Variants in C1QTNF7 observed in about 807,000 individuals in gnomAD.
C1QTNF7 encodes the protein complement C1q tumor necrosis factor-related protein 7.
Under a neutral mutation model 19.6 loss-of-function variants are expected in C1QTNF7, and 15 were observed. That is an observed-to-expected ratio of 0.76 (90% CI 0.51 to 1.18). The LOEUF (loss-of-function observed/expected upper bound fraction) is 1.18. Among genes scored for constraint, C1QTNF7 ranks in the 50% most tolerant of loss-of-function variants. C1QTNF7 has a pLI of 0.00. For synonymous variants in C1QTNF7, 142 were observed against 137.5 expected (o/e 1.03, Z -0.23); for missense variants, 324 against 359.7 (o/e 0.90, Z 0.80).
intron 1 of C1QTNF7, chr4:15,340,218 A>G: frequency 6.4e-7 from 1 of 1,551,564 alleles, no homozygotes; most frequent in Non-Finnish European, 8.7e-7. Context: ...GTAAGCTACC[A>G]TTTTCACTGC....
chr4:15,388,004 G>A lies in C1QTNF7; in HGVS notation c.14-47732G>A, dbSNP rs142954278. On this transcript the variant is annotated intron_variant, in intron 1 of 2. Transcript: ENST00000295297. ...CACAGGTGCAAGGTTGACCTTGGAC[G>A]GAGGCACTAACCATTCATTCTTACT... Among the ~76,000 whole-genome samples, 114 of 152,260 alleles carry A rather than the reference G, an allele frequency of 7.5e-4. 2 individuals are homozygous for A. The East Asian group carries it at 0.017, about 23-fold the overall frequency.
intron 1 of C1QTNF7, among the ~76,000 whole-genome samples, chr4:15,360,891 A>C (rs1717321951): frequency 6.6e-6 from 1 of 152,192 alleles, no homozygotes. Context: ...ATCTGTACTT[A>C]AACTCACCTT....
intron 1 of C1QTNF7, among the ~76,000 whole-genome samples, chr4:15,406,145 G>C (rs1024949312): frequency 2.6e-5 from 4 of 152,146 alleles, no homozygotes; most frequent in African/African-American, 9.7e-5. Context: ...TTGCTTGCTG[G>C]CTTGATGTCT....
At chr4:15,438,085 G>T (rs1433963104) in intron 2 of C1QTNF7, among the ~76,000 whole-genome samples, 1 of 152,096 alleles carries the variant, frequency 6.6e-6, no homozygotes, top group African/African-American at 2.4e-5. Flanking sequence ...TATTTGTCAG[G>T]ACCTTTACAT....
chr4:15,377,954 A>C (rs532884118), intron 1 of C1QTNF7, among the ~76,000 whole-genome samples: 1 of 152,222 alleles, frequency 6.6e-6, no homozygotes, highest in Non-Finnish European at 1.5e-5. Context: ...ATATGTCCTA[A>C]ACATTATTTT....
chr4:15,401,693 C>T (rs903462804), intron 1 of C1QTNF7, among the ~76,000 whole-genome samples: 1 of 151,644 alleles, frequency 6.6e-6, no homozygotes, highest in Non-Finnish European at 1.5e-5. Context: ...AGTTTAAAAA[C>T]GAAATAGAAA....
intron 1 of C1QTNF7, among the ~76,000 whole-genome samples, chr4:15,378,641 A>AT (rs1311318509): frequency 3.9e-5 from 6 of 152,140 alleles, no homozygotes; most frequent in Non-Finnish European, 8.8e-5. Flanking sequence ...CACATGGCAG[A>AT]TTTTTAGGAA....
intron 1 of C1QTNF7, among the ~76,000 whole-genome samples, chr4:15,387,020 C>T (rs1718362158): frequency 2.0e-5 from 3 of 152,250 alleles, no homozygotes; most frequent in South Asian, 4.2e-4. Flanking sequence ...TTCAATCATT[C>T]AGGCAGAAGA....
At chr4:15,403,410 C>A (rs946820777) in intron 1 of C1QTNF7, among the ~76,000 whole-genome samples, 1 of 152,118 alleles carries the variant, frequency 6.6e-6, no homozygotes, top group African/African-American at 2.4e-5. Flanking sequence ...AAAATCAAGG[C>A]TTTGACAGGG....
chr4:15,371,835 T>A (rs925130379), intron 1 of C1QTNF7, among the ~76,000 whole-genome samples: 3 of 152,106 alleles, frequency 2.0e-5, no homozygotes, highest in Non-Finnish European at 4.4e-5. Flanking sequence ...CAATCTAAGC[T>A]CAGTGGGCAC....
chr4:15,436,088 T>TCC (rs1712526102), intron 2 of C1QTNF7, 107 bp downstream of exon 2: 2 of 1,444,058 alleles, frequency 1.4e-6, no homozygotes, highest in Admixed American at 4.8e-5. Flanking sequence ...AAACCCCTTC[T>TCC]GTACTTTCAT....
intron 1 of C1QTNF7, among the ~76,000 whole-genome samples, chr4:15,383,976 A>G (rs959604639): frequency 1.3e-5 from 2 of 152,242 alleles, no homozygotes; most frequent in African/African-American, 4.8e-5. Flanking sequence ...TAGTTAGACC[A>G]GGTAATCTTG....
At position 15,347,278 on chromosome 4, in the gene C1QTNF7, C is replaced by A. The variant is rs967784721; in HGVS notation, c.13+7071C>A. Among the ~76,000 whole-genome samples, 8 of 152,190 alleles carry A rather than the reference C, an allele frequency of 5.3e-5. No individual in the cohort carries two copies. In the East Asian group the frequency reaches 1.5e-3, roughly 29 times the overall value. ...AGCAAAACACTCATACTTCATAAGG[C>A]CGCTCCTTCCATTAATATACCACTG... is the stretch of plus-strand genomic sequence containing the variant. On this transcript the variant is annotated intron_variant, in intron 1 of 2. Transcript: ENST00000295297.
At chr4:15,429,171 A>C (rs1020026330) in intron 1 of C1QTNF7, among the ~76,000 whole-genome samples, 2 of 152,206 alleles carry the variant, frequency 1.3e-5, no homozygotes, top group Non-Finnish European at 2.9e-5. Context: ...AAATAAGAAT[A>C]CTGGGCTCTC....
chr4:15,412,786 T>C (rs1560361386), intron 1 of C1QTNF7, among the ~76,000 whole-genome samples: 1 of 152,206 alleles, frequency 6.6e-6, no homozygotes, highest in Non-Finnish European at 1.5e-5. Flanking sequence ...GCGTAACTAC[T>C]TTTCTGGAGA....
In C1QTNF7 at chr4:15,443,115, C is replaced by A; in HGVS notation, c.*316C>A. On this transcript the variant is annotated 3_prime_UTR_variant, in exon 3 of 3. Transcript: ENST00000444304. The stretch of plus-strand genomic sequence containing the variant: ...TAAAACCAGTTGGCAATAATATTGC[C>A]TTATTAAATCTTCAAAAAATATATT... 5.5e-6 allele frequency: 1 copy of A among 182,958 alleles called. No homozygotes were observed. Among genetic ancestry groups the A allele is most frequent in the Non-Finnish European group, 1.1e-5 (1 of 88,584 alleles). The allele number at this position is 182,958 out of a possible 1,614,324, so 11.3% of individuals were successfully genotyped here. A position where few individuals can be genotyped will look rare whatever the true frequency, so the allele number is the denominator to read the frequency against.
intron 1 of C1QTNF7, among the ~76,000 whole-genome samples, chr4:15,433,325 T>C (rs375778601): frequency 6.6e-6 from 1 of 152,044 alleles, no homozygotes; most frequent in South Asian, 2.1e-4. Flanking sequence ...GCCTTTTTTT[T>C]CTGGGGAGGG....
At chr4:15,356,215 A>T (rs976533722) in intron 1 of C1QTNF7, among the ~76,000 whole-genome samples, 1 of 152,062 alleles carries the variant, frequency 6.6e-6, no homozygotes, top group South Asian at 2.1e-4. Flanking sequence ...CCCGTCATCT[A>T]CATTAGGTAT....
At chr4:15,419,306 A>G (rs1319201889) in intron 1 of C1QTNF7, among the ~76,000 whole-genome samples, 2 of 152,244 alleles carry the variant, frequency 1.3e-5, no homozygotes, top group Non-Finnish European at 2.9e-5. Context: ...ATGTAATCTC[A>G]TTTATACTAG....
Sources: gnomAD v4.1 joint callset for allele counts (sites outside exome capture counted in the v4.1 genomes callset) on GRCh38, gnomAD v4.1.1 for gene constraint, MANE v1.5 for transcripts, NCBI Gene and HGNC (gene_info 2026-07-23, HGNC 2026-07-21) for gene names.